TTC33: variants seen among roughly 807,000 people sequenced by gnomAD.
TTC33 encodes tetratricopeptide repeat domain 33, also known as tetratricopeptide repeat protein 33.
A neutral mutation model predicts 29.4 loss-of-function variants in TTC33; 24 were observed. The ratio of observed to expected loss-of-function variants is 0.82; its 90% CI spans 0.59 to 1.15. The LOEUF is 1.15. Ranked by LOEUF, TTC33 falls within the 50% of genes most tolerant of loss-of-function variation. The pLI, the probability that TTC33 is intolerant of heterozygous loss-of-function variation, is 0.00. For synonymous variants in TTC33, 107 were observed against 100.3 expected (o/e 1.07, Z -0.40); for missense variants, 286 against 310.4 (o/e 0.92, Z 0.59).
intron 4 of TTC33, among the ~76,000 whole-genome samples, chr5:40,717,795 G>A (rs189277527): frequency 5.8e-4 from 88 of 152,340 alleles, no homozygotes; most frequent in African/African-American, 2.0e-3. Flanking sequence ...CAGGCACCAT[G>A]GCTCACGCCT....
At chr5:40,729,755 G>A (rs779307647) in intron 3 of TTC33, among the ~76,000 whole-genome samples, 22 of 152,140 alleles carry the variant, frequency 1.4e-4, no homozygotes, top group Non-Finnish European at 2.9e-4. Flanking sequence ...CTGGAGTGCA[G>A]TGGCACTATC....
intron 1 of TTC33, among the ~76,000 whole-genome samples, chr5:40,755,005 T>G (rs1742959446): frequency 1.3e-5 from 2 of 152,122 alleles, no homozygotes; most frequent in Non-Finnish European, 2.9e-5. Flanking sequence ...TAAGAAACCA[T>G]GAGAGTAAAC....
At chr5:40,739,021 C>A (rs1742635723) in intron 2 of TTC33, among the ~76,000 whole-genome samples, 1 of 152,128 alleles carries the variant, frequency 6.6e-6, no homozygotes, top group Non-Finnish European at 1.5e-5. Flanking sequence ...CTCAATTAAG[C>A]CTTTTAAAAA....
chr5:40,742,282 T>C (rs887462539), intron 2 of TTC33, among the ~76,000 whole-genome samples: 2 of 152,076 alleles, frequency 1.3e-5, no homozygotes, highest in African/African-American at 2.4e-5. Context: ...AAGAAATATA[T>C]AGCCAATCAA....
At chr5:40,718,216 T>C (rs113660162) in intron 4 of TTC33, among the ~76,000 whole-genome samples, 1,582 of 146,668 alleles carry the variant, frequency 0.011, 22 homozygotes, top group African/African-American at 0.034. Context: ...AGACCAGGAG[T>C]TCAATGACAA....
At chr5:40,738,439 A>C (rs960391524) in intron 2 of TTC33, among the ~76,000 whole-genome samples, 54 of 119,828 alleles carry the variant, frequency 4.5e-4, no homozygotes, top group Admixed American at 9.1e-4. Context: ...ATAAAATATA[A>C]AATAAAATAC....
rs142188985 is a variant in TTC33, at chr5:40,746,913, C to A, written c.106G>T (p.Asp36Tyr). 4 of 1,614,206 alleles carry A rather than the reference C, an allele frequency of 2.5e-6. No homozygotes were observed. Among genetic ancestry groups the A allele is most frequent in the Admixed American group, 1.7e-5 (1 of 60,026 alleles). Residue 36 changes from aspartate to tyrosine, a missense_variant, in exon 2 of 5, where the codon GAT becomes TAT. Coordinates refer to ENST00000337702, the MANE Select transcript of TTC33 (RefSeq NM_012382.3). ...ATGGCATGAAGCCAGTTCCCTTCAT[C>A]GTTGTCAACTACATCCTTCTCATCA... ...AADEKDVVDN[D>Y]EGNWLHAIKR... is the part of the protein sequence containing the mutation.
chr5:40,742,283 A>G (rs1742711196), intron 2 of TTC33, among the ~76,000 whole-genome samples: 1 of 152,170 alleles, frequency 6.6e-6, no homozygotes, highest in Non-Finnish European at 1.5e-5. Flanking sequence ...AGAAATATAT[A>G]GCCAATCAAG....
intron 4 of TTC33, among the ~76,000 whole-genome samples, chr5:40,718,261 G>C (rs1742049250): frequency 6.6e-6 from 1 of 151,602 alleles, no homozygotes; most frequent in Non-Finnish European, 1.5e-5. Flanking sequence ...AAAAAAATTA[G>C]TTGGACATAG....
chr5:40,735,326 C>A (rs1466939631), intron 2 of TTC33, among the ~76,000 whole-genome samples: 1 of 152,022 alleles, frequency 6.6e-6, no homozygotes, highest in African/African-American at 2.4e-5. Context: ...AGATATGAGA[C>A]AACCAAAGTA....
At chr5:40,742,383 GTACA>G (rs1742713414) in intron 2 of TTC33, among the ~76,000 whole-genome samples, 2 of 152,032 alleles carry the variant, frequency 1.3e-5, no homozygotes, top group Admixed American at 1.3e-4. Flanking sequence ...AATATATTAA[GTACA>G]TTACATACGT....
intron 1 of TTC33, among the ~76,000 whole-genome samples, chr5:40,747,648 T>C (rs1374191593): frequency 2.6e-5 from 4 of 151,954 alleles, no homozygotes; most frequent in South Asian, 2.1e-4. Context: ...GAGATGCAGA[T>C]AGCAAAAAAC....
chr5:40,749,823 C>CT (rs1278086728), intron 1 of TTC33, among the ~76,000 whole-genome samples: 3 of 152,210 alleles, frequency 2.0e-5, no homozygotes, highest in Non-Finnish European at 4.4e-5. Context: ...GGTGCAGTGG[C>CT]TCACGCCTGT....
chr5:40,725,887 G>A (rs951293498), intron 4 of TTC33, among the ~76,000 whole-genome samples: 17 of 148,754 alleles, frequency 1.1e-4, no homozygotes, highest in African/African-American at 4.2e-4. Context: ...CCAGGTTCAC[G>A]CCATTCTCCT....
At chr5:40,729,458 C>T (rs1406943032) in intron 3 of TTC33, among the ~76,000 whole-genome samples, 1 of 152,276 alleles carries the variant, frequency 6.6e-6, no homozygotes, top group South Asian at 2.1e-4. Flanking sequence ...GACTTTCCTA[C>T]AAAATATTAG....
intron 4 of TTC33, among the ~76,000 whole-genome samples, chr5:40,727,711 T>C (rs753798234): frequency 7.2e-5 from 11 of 152,206 alleles, no homozygotes; most frequent in East Asian, 1.9e-4. Flanking sequence ...GTAAATGTAA[T>C]GATCCAAAGA....
intron 3 of TTC33, among the ~76,000 whole-genome samples, chr5:40,729,350 T>C (rs1293470514): frequency 2.0e-5 from 3 of 152,218 alleles, no homozygotes; most frequent in East Asian, 1.9e-4. Context: ...TAAGGCTGAA[T>C]TGCAACAATT....
intron 2 of TTC33, among the ~76,000 whole-genome samples, chr5:40,731,668 C>A (rs1237851753): frequency 1.3e-5 from 2 of 152,208 alleles, no homozygotes; most frequent in Non-Finnish European, 2.9e-5. Flanking sequence ...ATTATCTCCA[C>A]CTGGTCCCAT....
rs1293057973 is a variant in TTC33 at position 40,714,367 on chromosome 5, C to T, written c.*1778G>A. ...CTGGCATTACTTCATGTGTGAGGCACCATGCAAGGTACTTTAAATATATTA... is the reference window on the plus strand; with the variant it reads ...CTGGCATTACTTCATGTGTGAGGCATCATGCAAGGTACTTTAAATATATTA... On this transcript the variant is annotated 3_prime_UTR_variant, in exon 5 of 5. Coordinates refer to ENST00000337702, the MANE Select transcript of TTC33 (RefSeq NM_012382.3). 2 of 152,080 alleles carry T rather than the reference C, an allele frequency of 1.3e-5. No homozygotes were observed. Among genetic ancestry groups the T allele is most frequent in the African/African-American group, 2.4e-5 (1 of 41,420 alleles). 9.4% of individuals were successfully genotyped at this position (152,080 alleles called of 1,614,324 possible). A position where few individuals can be genotyped will look rare whatever the true frequency, so the allele number is the denominator to read the frequency against.
Sources: gnomAD v4.1 joint callset for allele counts (sites outside exome capture counted in the v4.1 genomes callset) on GRCh38, gnomAD v4.1.1 for gene constraint, MANE v1.5 for transcripts, NCBI Gene and HGNC (gene_info 2026-07-23, HGNC 2026-07-21) for gene names.